Variants in KPNB1 observed in about 807,000 individuals in gnomAD.
The protein encoded by KPNB1 is importin subunit beta-1.
In KPNB1, 7 loss-of-function variants were observed where a neutral mutation model predicts 113.0. The observed-to-expected ratio is 0.06, with a 90% CI of 0.04 to 0.12. The LOEUF (loss-of-function observed/expected upper bound fraction) is 0.12, where lower values mean the gene tolerates loss of function less well. KPNB1 is among the 10% of genes least tolerant of loss of function. The pLI, the probability that KPNB1 is intolerant of heterozygous loss-of-function variation, is 1.00. For synonymous variants in KPNB1, 363 were observed against 378.6 expected (o/e 0.96, Z 0.48); for missense variants, 400 against 1,054.8 (o/e 0.38, Z 8.60).
intron 8 of KPNB1, among the ~76,000 whole-genome samples, chr17:47,664,495 G>A (rs915680337): frequency 6.6e-6 from 1 of 152,094 alleles, no homozygotes; most frequent in East Asian, 1.9e-4. Context: ...GTAAATAGTG[G>A]TATTATCACT....
chr17:47,650,463 C>CGCCCATCCCGCCGCGT lies in KPNB1; in HGVS notation c.99+20_99+35dup. 1 of 1,591,532 alleles carries CGCCCATCCCGCCGCGT rather than the reference C, an allele frequency of 6.3e-7. No homozygotes were observed. Among genetic ancestry groups the CGCCCATCCCGCCGCGT allele is most frequent in the Non-Finnish European group, 8.5e-7 (1 of 1,170,912 alleles). On this transcript the variant is annotated intron_variant, in intron 2 of 21. Transcript: ENST00000290158. ...GAACCTGGTGCGTGCTACCCCGCCG[C>CGCCCATCCCGCCGCGT]GCCCATCCCGCCGCGTCCCCATCCC...
chr17:47,681,172 C>T (rs1402264765), intron 21 of KPNB1, among the ~76,000 whole-genome samples: 3 of 151,764 alleles, frequency 2.0e-5, no homozygotes, highest in African/African-American at 4.8e-5. Context: ...TGGGTTTGAG[C>T]AATTCTCCTG....
At chr17:47,651,224 A>G in intron 2 of KPNB1, 2 of 985,170 alleles carry the variant, frequency 2.0e-6, no homozygotes, top group East Asian at 2.3e-4. Context: ...AAATGAAGCT[A>G]AGTCCGCTAG....
chr17:47,662,013 A>G (rs903071061), intron 6 of KPNB1, among the ~76,000 whole-genome samples: 2 of 152,214 alleles, frequency 1.3e-5, no homozygotes, highest in African/African-American at 4.8e-5. Context: ...TGCTATACCC[A>G]AAACCTGACC....
intron 5 of KPNB1, among the ~76,000 whole-genome samples, chr17:47,659,842 G>C (rs1294932039): frequency 6.6e-6 from 1 of 151,738 alleles, no homozygotes; most frequent in African/African-American, 2.4e-5. Context: ...GGGAGTTCAA[G>C]GCTCAAGATT....
At chr17:47,678,500 G>A in intron 19 of KPNB1, 87 bp downstream of exon 19, 2 of 872,826 alleles carry the variant, frequency 2.3e-6, no homozygotes, top group Non-Finnish European at 3.8e-6. Context: ...TAGCTCGCTT[G>A]TGAACCTAGT....
At chr17:47,653,252 C>T (rs1039137313) in intron 3 of KPNB1, among the ~76,000 whole-genome samples, 2 of 147,324 alleles carry the variant, frequency 1.4e-5, no homozygotes, top group African/African-American at 5.0e-5. Flanking sequence ...TTCGGTACTT[C>T]TGGAGTACAG....
intron 12 of KPNB1, among the ~76,000 whole-genome samples, chr17:47,671,164 G>A (rs939275323): frequency 1.3e-5 from 2 of 150,298 alleles, no homozygotes; most frequent in African/African-American, 4.8e-5. Context: ...GGCTGAGGCA[G>A]GGGAATTGCT....
chr17:47,663,068 C>G (rs779152859), intron 6 of KPNB1, 21 bp from the exon 7 acceptor site: 1 of 1,306,300 alleles, frequency 7.7e-7, no homozygotes, highest in Non-Finnish European at 1.1e-6. Context: ...AGTAAACTAT[C>G]TGATCTGCTG....
intron 8 of KPNB1, among the ~76,000 whole-genome samples, chr17:47,664,752 G>A (rs889204873): frequency 5.3e-5 from 8 of 151,654 alleles, no homozygotes; most frequent in African/African-American, 1.9e-4. Context: ...GTTTTTTTTG[G>A]CATCTTTAGG....
At chr17:47,665,010 A>G in intron 8 of KPNB1, 47 bp from the exon 9 acceptor site, 2 of 1,421,328 alleles carry the variant, frequency 1.4e-6, no homozygotes, top group East Asian at 2.3e-5. Context: ...CCTTTAGTAT[A>G]CAGAGCTCGG....
At chr17:47,652,255 C>T (rs1335498359) in intron 2 of KPNB1, among the ~76,000 whole-genome samples, 3 of 152,074 alleles carry the variant, frequency 2.0e-5, no homozygotes, top group Non-Finnish European at 2.9e-5. Flanking sequence ...TTTAGATAAA[C>T]AGTTTTATTT....
Position 47,683,838 on chromosome 17 carries a change from G to C in KPNB1, c.*1434G>C, listed in dbSNP as rs1177204591. 2.0e-5 allele frequency: 3 copies of C among 152,460 alleles called. No individual in the cohort carries two copies. Among genetic ancestry groups the C allele is most frequent in the African/African-American group, 7.2e-5 (3 of 41,422 alleles). 9.4% of individuals were successfully genotyped at this position (152,460 alleles called of 1,614,324 possible). ...CACTGAAGTTGAAGGTTAATAAAAT[G>C]GTGTCAAACGTCCCCTGGTCACACA... On this transcript the variant is annotated 3_prime_UTR_variant, in exon 22 of 22. Transcript: ENST00000290158.
rs766013570 is a variant in KPNB1, at chr17:47,674,622, C to G, written c.1768-16C>G. ...ATTTGGAATCAACTGATCTTGAACT[C>G]TTACTCATTTCACAGAATGTTCTTC... On this transcript the variant is annotated splice_polypyrimidine_tract_variant and intron_variant, in intron 14 of 21. Transcript: ENST00000290158. 5.6e-6 allele frequency: 9 copies of G among 1,610,462 alleles called. No homozygotes were observed. Among genetic ancestry groups the G allele is most frequent in the Admixed American group, 5.0e-5 (3 of 59,502 alleles).
chr17:47,651,873 A>G (rs1915585019), intron 2 of KPNB1, among the ~76,000 whole-genome samples: 2 of 152,222 alleles, frequency 1.3e-5, no homozygotes, highest in South Asian at 4.1e-4. Flanking sequence ...ACAAAAGGTT[A>G]CAAAAGAACA....
rs3067142 is a variant in KPNB1 at position 47,653,271 on chromosome 17, A to ATTTTTTTT, written c.282+409_282+416dup. On this transcript the variant is annotated intron_variant, in intron 3 of 21. Transcript: ENST00000290158. The stretch of plus-strand genomic sequence containing the variant: ...GTACTTCTGGAGTACAGCTCAGGGA[A>ATTTTTTTT]TTTTTTTTTTTTTTTTTTTTTGGAG... Among the ~76,000 whole-genome samples, 33 of 109,816 alleles carry ATTTTTTTT rather than the reference A, an allele frequency of 3.0e-4. 2 individuals are homozygous for ATTTTTTTT. The highest frequency in any genetic ancestry group is 4.8e-4 in the African/African-American group (13 of 26,982). 72.0% of individuals were successfully genotyped at this position (109,816 alleles called of 152,430 possible). A position where few individuals can be genotyped will look rare whatever the true frequency, so the allele number is the denominator to read the frequency against.
intron 9 of KPNB1, among the ~76,000 whole-genome samples, chr17:47,666,472 A>G (rs1332619030): frequency 7.0e-6 from 1 of 143,870 alleles, no homozygotes; most frequent in East Asian, 2.0e-4. Context: ...TATATTTTAT[A>G]TAATGTTATA....
intron 16 of KPNB1, 41 bp downstream of exon 16, chr17:47,676,532 C>A: frequency 1.4e-6 from 2 of 1,433,222 alleles, no homozygotes; most frequent in Non-Finnish European, 2.0e-6. Flanking sequence ...CCATTTATAT[C>A]TGACAGTCAC....
rs1158478708 is a variant in KPNB1, at chr17:47,685,138, C to T, written c.*2734C>T. The T allele has an allele frequency of 6.6e-6, 1 of 152,078 alleles. No individual in the cohort carries two copies. The highest frequency in any genetic ancestry group is 1.5e-5 in the Non-Finnish European group (1 of 68,018). 9.4% of individuals were successfully genotyped at this position (152,078 alleles called of 1,614,324 possible). A position where few individuals can be genotyped will look rare whatever the true frequency, so the allele number is the denominator to read the frequency against. ...TTTTCATTTTTCCCAGTTCTCCTCA[C>T]CCCCCCTTTGTTGAAATGTTGGACT... is the stretch of plus-strand genomic sequence containing the variant. On this transcript the variant is annotated 3_prime_UTR_variant, in exon 22 of 22. Coordinates refer to ENST00000290158, the MANE Select transcript of KPNB1 (RefSeq NM_002265.6).
Sources: allele counts gnomAD v4.1 joint callset (sites outside exome capture counted in the v4.1 genomes callset), GRCh38; gene constraint gnomAD v4.1.1; transcripts MANE v1.5; gene names NCBI Gene and HGNC (gene_info 2026-07-23, HGNC 2026-07-21).